The following AKT1 variants were observed in gnomAD, a reference collection of about 807,000 sequenced individuals.
AKT1 encodes AKT serine/threonine kinase 1.
A neutral mutation model predicts 63.1 loss-of-function variants in AKT1; 21 were observed. The observed-to-expected ratio is 0.33, with a 90% confidence interval of 0.24 to 0.48. The LOEUF is 0.48. AKT1 is among the 20% of genes least tolerant of loss of function. The pLI, the probability that AKT1 is intolerant of heterozygous loss-of-function variation, is 0.99. For synonymous variants in AKT1, 257 were observed against 253.1 expected (o/e 1.02, Z -0.15); for missense variants, 382 against 666.0 (o/e 0.57, Z 4.69).
intron 13 of AKT1, chr14:104,771,539 G>C: frequency 4.3e-6 from 1 of 232,278 alleles, no homozygotes. Context: ...CCATACCCTT[G>C]GAGGGCAGGG....
Position 104,795,289 on chromosome 14 carries a change from G to A in AKT1, c.-258+195C>T, listed in dbSNP as rs1014317240. ...AGCCTGCACCCCCGGCGCCCGGCGT[G>A]GGGCCGCCCTCCCTTGGCCGGGCCC... is the stretch of plus-strand genomic sequence containing the variant. On this transcript the variant is annotated intron_variant, in intron 1 of 14. Coordinates refer to ENST00000649815, the MANE Select transcript of AKT1 (RefSeq NM_001382430.1). This position sits in a 1 kb window ranked among gnomAD's most constrained non-coding sequence, Gnocchi z 5.1. 6.6e-6 allele frequency among the ~76,000 whole-genome samples: 1 copy of A among 150,564 alleles called. No homozygotes were observed. The highest frequency in any genetic ancestry group is 6.6e-5 in the Admixed American group (1 of 15,130).
intron 3 of AKT1, among the ~76,000 whole-genome samples, chr14:104,780,767 T>TA (rs1239232158): frequency 6.6e-6 from 1 of 151,430 alleles, no homozygotes; most frequent in Non-Finnish European, 1.5e-5. Context: ...CGTCCACAGT[T>TA]AGAGGTCAGC....
In AKT1 at chr14:104,769,589, T is replaced by C; in HGVS notation, c.*752A>G. 1 of 530,596 alleles carries C rather than the reference T, an allele frequency of 1.9e-6. No homozygotes were observed. The highest frequency in any genetic ancestry group is 3.6e-6 in the Non-Finnish European group (1 of 274,074). 32.9% of individuals were successfully genotyped at this position (530,596 alleles called of 1,614,324 possible). ...GTCAAGTGCTACCGTGGAGAGATCATCTGAGGGGGAGGCTCCCGGTGGGAC... is the reference window on the plus strand; with the variant it reads ...GTCAAGTGCTACCGTGGAGAGATCACCTGAGGGGGAGGCTCCCGGTGGGAC... On this transcript the variant is annotated 3_prime_UTR_variant, in exon 15 of 15. Transcript: ENST00000649815.
At chr14:104,782,562 G>A (rs578035592) in intron 3 of AKT1, among the ~76,000 whole-genome samples, 17 of 152,044 alleles carry the variant, frequency 1.1e-4, no homozygotes, top group African/African-American at 2.4e-4. Context: ...CTTACCAGGC[G>A]TGGGGGGTGG....
intron 3 of AKT1, among the ~76,000 whole-genome samples, chr14:104,791,506 C>G (rs1386914017): frequency 1.3e-5 from 2 of 152,160 alleles, no homozygotes; most frequent in Non-Finnish European, 2.9e-5. Context: ...TCAAACACTC[C>G]AAACACACAG....
chr14:104,769,461 G>C lies in AKT1; in HGVS notation c.*880C>G, dbSNP rs17102385. 3 of 445,730 alleles carry C rather than the reference G, an allele frequency of 6.7e-6. No individual in the cohort carries two copies. Among genetic ancestry groups the C allele is most frequent in the Non-Finnish European group, 1.3e-5 (3 of 236,304 alleles). 27.6% of individuals were successfully genotyped at this position (445,730 alleles called of 1,614,324 possible). ...AAAAACGCCGTGGTGCAGCGGCAGC[G>C]GCAGCGTCTGGCCAGGAGGCGTGGA... On this transcript the variant is annotated 3_prime_UTR_variant, in exon 15 of 15. Transcript: ENST00000649815.
intron 3 of AKT1, among the ~76,000 whole-genome samples, chr14:104,788,395 CAATT>C (rs1434677603): frequency 1.3e-5 from 2 of 152,036 alleles, no homozygotes; most frequent in Non-Finnish European, 2.9e-5. Context: ...TGCACACAAA[CAATT>C]AGCCCTGCGG....
chr14:104,792,849 C>G (rs1392156572), intron 2 of AKT1, 127 bp from the exon 3 acceptor site: 1 of 634,300 alleles, frequency 1.6e-6, no homozygotes, highest in East Asian at 2.7e-5. Flanking sequence ...CCCAGGTGGG[C>G]TGCCATCCCT....
chr14:104,782,197 G>A (rs1893090738), intron 3 of AKT1, among the ~76,000 whole-genome samples: 2 of 137,668 alleles, frequency 1.5e-5, no homozygotes, highest in Non-Finnish European at 3.1e-5. Flanking sequence ...CCCCCATCCT[G>A]GGCCACCCCG....
chr14:104,789,458 T>C (rs1893514311), intron 3 of AKT1, among the ~76,000 whole-genome samples: 1 of 152,172 alleles, frequency 6.6e-6, no homozygotes, highest in African/African-American at 2.4e-5. Context: ...TTGGGGAAAG[T>C]ACCTCAAAAG....
At chr14:104,775,504 A>G (rs1332400262) in intron 6 of AKT1, 148 bp downstream of exon 6, 2 of 1,208,918 alleles carry the variant, frequency 1.7e-6, no homozygotes, top group African/African-American at 3.1e-5. Flanking sequence ...CCTGGGAAGC[A>G]GCTGCGCCCT....
chr14:104,792,555 C>T lies in AKT1; in HGVS notation c.46+43G>A, dbSNP rs2494748. 913,904 of 1,608,754 alleles carry T rather than the reference C, an allele frequency of 0.57. 269,454 individuals carry two copies. The highest frequency in any genetic ancestry group is 0.61 in the Non-Finnish European group (723,397 of 1,177,646). On this transcript the variant is annotated intron_variant, in intron 3 of 14. Coordinates refer to ENST00000649815, the MANE Select transcript of AKT1 (RefSeq NM_001382430.1). The stretch of plus-strand genomic sequence containing the variant: ...TCACAGACCCTGGGGCTACTACCCC[C>T]ATCTCTCCCTCCCCAGGCCCAGCCC...
At chr14:104,790,528 G>A (rs1309243191) in intron 3 of AKT1, among the ~76,000 whole-genome samples, 1 of 152,234 alleles carries the variant, frequency 6.6e-6, no homozygotes, top group African/African-American at 2.4e-5. Context: ...CCAGGGACGG[G>A]AGTGGCGAAA....
chr14:104,772,592 C>G (rs931008212), intron 12 of AKT1, 140 bp from the exon 13 acceptor site: 2 of 854,260 alleles, frequency 2.3e-6, no homozygotes, highest in Non-Finnish European at 1.8e-6. Flanking sequence ...TGCAGCGTCC[C>G]TGAGCAGCTG....
chr14:104,783,594 C>T (rs111684231), intron 3 of AKT1, among the ~76,000 whole-genome samples: 2 of 151,470 alleles, frequency 1.3e-5, no homozygotes, highest in Admixed American at 6.6e-5. Context: ...CAGGTTGCCA[C>T]GCCAGGCCCT....
At chr14:104,773,852 G>C (rs772284080) in intron 9 of AKT1, 60 bp downstream of exon 9, 2 of 1,507,942 alleles carry the variant, frequency 1.3e-6, no homozygotes, top group East Asian at 4.8e-5. Context: ...GGGAAGGACC[G>C]GCCCCACCAT....
chr14:104,795,008 T>G lies in AKT1; in HGVS notation c.-258+476A>C, dbSNP rs1418906486. The stretch of plus-strand genomic sequence containing the variant: ...CTAGCCTGGGTACCCCGCCACCACG[T>G]ACAACTTTTCGTCCGTGGGAAACGA... On this transcript the variant is annotated intron_variant, in intron 1 of 14. Coordinates refer to ENST00000649815, the MANE Select transcript of AKT1 (RefSeq NM_001382430.1). The surrounding 1 kb of genome is among the most constrained non-coding windows in gnomAD (Gnocchi z 5.1). The G allele has an allele frequency of 6.6e-6, 1 of 152,198 alleles. No individual in the cohort carries two copies. 9.4% of individuals were successfully genotyped at this position (152,198 alleles called of 1,614,324 possible). A position where few individuals can be genotyped will look rare whatever the true frequency, so the allele number is the denominator to read the frequency against.
chr14:104,774,421 ACACCCTCCCAGGCGAGACC>A (rs1053111028), intron 8 of AKT1: 12 of 232,296 alleles, frequency 5.2e-5, no homozygotes, highest in Admixed American at 2.0e-4. Context: ...AAGGGAGGAC[ACACCCTCCCAGGCGAGACC>A]CACCCTCCCG....
chr14:104,773,915 GCC>G lies in AKT1; in HGVS notation c.697_698del (p.Gly233ArgfsTer23). The stretch of plus-strand genomic sequence containing the variant: ...CCCCCGCAGCCCCAGCCCCTACCTC[GCC>G]CCCGTTGGCGTACTCCATGACAAAG... The part of the protein sequence containing the change: ...LCFVMEYANG[G>X]ELFFHLSRER... On this transcript the variant is annotated frameshift_variant, in exon 9 of 15. Coordinates refer to ENST00000649815, the MANE Select transcript of AKT1 (RefSeq NM_001382430.1). LOFTEE classifies it high-confidence loss of function. The G allele has an allele frequency of 6.2e-7, 1 of 1,608,576 alleles. No individual in the cohort carries two copies.
Sources: allele counts gnomAD v4.1 joint callset (sites outside exome capture counted in the v4.1 genomes callset), GRCh38; gene constraint gnomAD v4.1.1; non-coding constraint Gnocchi (gnomAD v3.1); transcripts MANE v1.5; gene names NCBI Gene and HGNC (gene_info 2026-07-23, HGNC 2026-07-21).